The following KHDRBS2 variants were observed in gnomAD, a reference collection of about 807,000 sequenced individuals.
KHDRBS2 encodes KH RNA binding domain containing, signal transduction associated 2.
In KHDRBS2, 26 loss-of-function variants were observed where a neutral mutation model predicts 44.3. The ratio of observed to expected loss-of-function variants is 0.59; its 90% confidence interval spans 0.43 to 0.81. The LOEUF (loss-of-function observed/expected upper bound fraction) is 0.81, where lower values mean the gene tolerates loss of function less well. KHDRBS2 is among the 40% of genes least tolerant of loss of function. The pLI, the probability that KHDRBS2 is intolerant of heterozygous loss-of-function variation, is 0.00. For missense variants in KHDRBS2, 476 were observed against 433.1 expected (o/e 1.10, Z -0.88); for synonymous variants, 194 against 151.1 (o/e 1.28, Z -2.08).
intron 1 of KHDRBS2, among the ~76,000 whole-genome samples, chr6:62,250,640 C>T (rs1836362572): frequency 6.6e-6 from 1 of 151,860 alleles, no homozygotes; most frequent in East Asian, 1.9e-4. Flanking sequence ...AGTTGGAAAA[C>T]CAACATTTTT....
At chr6:62,179,833 C>A (rs990914251) in intron 1 of KHDRBS2, among the ~76,000 whole-genome samples, 1 of 151,710 alleles carries the variant, frequency 6.6e-6, no homozygotes, top group African/African-American at 2.4e-5. Context: ...TATTTCTGTT[C>A]AATTCTACAA....
intron 6 of KHDRBS2, among the ~76,000 whole-genome samples, chr6:61,797,214 GAAATTGAGTGAAGGGGAA>G (rs1000816728): frequency 6.6e-5 from 10 of 152,046 alleles, no homozygotes; most frequent in African/African-American, 2.4e-4. Context: ...CAGTAAAAAA[GAAATTGAGTGAAGGGGAA>G]ATGCTTGTTG....
At chr6:61,811,937 A>T (rs559970224) in intron 6 of KHDRBS2, among the ~76,000 whole-genome samples, 1 of 152,236 alleles carries the variant, frequency 6.6e-6, no homozygotes, top group East Asian at 1.9e-4. Context: ...AGTTTCTAGA[A>T]GAAAATGCCT....
intron 6 of KHDRBS2, among the ~76,000 whole-genome samples, chr6:61,827,857 C>T (rs1791147666): frequency 6.6e-6 from 1 of 152,090 alleles, no homozygotes. Flanking sequence ...TCATTTAAAC[C>T]CAGTTATCTT....
intron 1 of KHDRBS2, among the ~76,000 whole-genome samples, chr6:62,181,735 T>C (rs1403425350): frequency 6.6e-6 from 1 of 151,882 alleles, no homozygotes; most frequent in Non-Finnish European, 1.5e-5. Context: ...AAGATGACAG[T>C]ATTAAAAGGT....
intron 6 of KHDRBS2, among the ~76,000 whole-genome samples, chr6:61,857,824 T>C (rs1164449648): frequency 6.6e-6 from 1 of 151,964 alleles, no homozygotes; most frequent in African/African-American, 2.4e-5. Context: ...TAACCTCCTT[T>C]ATTAAAACAT....
intron 6 of KHDRBS2, among the ~76,000 whole-genome samples, chr6:61,840,103 C>G (rs185062048): frequency 6.6e-6 from 1 of 152,092 alleles, no homozygotes; most frequent in African/African-American, 2.4e-5. Flanking sequence ...GGAAAGGTCA[C>G]ATTCAAAGCA....
At chr6:61,904,504 G>A (rs939972975) in intron 4 of KHDRBS2, among the ~76,000 whole-genome samples, 2 of 152,154 alleles carry the variant, frequency 1.3e-5, no homozygotes, top group African/African-American at 4.8e-5. Flanking sequence ...ATACAGACCA[G>A]CAACTACAGA....
chr6:62,236,178 A>G (rs1286243358), intron 1 of KHDRBS2, among the ~76,000 whole-genome samples: 1 of 152,110 alleles, frequency 6.6e-6, no homozygotes, highest in Non-Finnish European at 1.5e-5. Flanking sequence ...CTTATTATTT[A>G]GCACTCTCTA....
the KHDRBS2 span, among the ~76,000 whole-genome samples, chr6:61,623,028 G>C: frequency 6.6e-6 from 1 of 152,048 alleles, no homozygotes; most frequent in South Asian, 2.1e-4. Context: ...ATGAGGACTT[G>C]ACTTGCAAGA....
chr6:62,081,052 C>A (rs190872751), intron 2 of KHDRBS2, among the ~76,000 whole-genome samples: 2 of 152,068 alleles, frequency 1.3e-5, no homozygotes, highest in African/African-American at 2.4e-5. Flanking sequence ...TATAGATATC[C>A]TCTTCATTAA....
At chr6:62,149,856 A>T in intron 2 of KHDRBS2, among the ~76,000 whole-genome samples, 1 of 152,206 alleles carries the variant, frequency 6.6e-6, no homozygotes, top group Non-Finnish European at 1.5e-5. Flanking sequence ...GGCCTAAATT[A>T]GACAAAGTTG....
At chr6:61,581,499 CTTG>C in the KHDRBS2 span, among the ~76,000 whole-genome samples, 14 of 149,202 alleles carry the variant, frequency 9.4e-5, no homozygotes, top group African/African-American at 2.9e-4. Context: ...AGACATAAAA[CTTG>C]TGAAATAATG....
chr6:62,266,001 C>T (rs1410281458), intron 1 of KHDRBS2, among the ~76,000 whole-genome samples: 2 of 151,998 alleles, frequency 1.3e-5, no homozygotes, highest in Non-Finnish European at 1.5e-5. Flanking sequence ...TTCATTCACA[C>T]AGAAACATTT....
intron 6 of KHDRBS2, among the ~76,000 whole-genome samples, chr6:61,811,185 C>T (rs1021804780): frequency 2.0e-5 from 3 of 152,060 alleles, no homozygotes; most frequent in African/African-American, 7.2e-5. Context: ...TTAGCTTTCA[C>T]TTATAAGTGA....
intron 2 of KHDRBS2, among the ~76,000 whole-genome samples, chr6:62,151,533 CA>C (rs566887663): frequency 1.3e-5 from 2 of 151,892 alleles, no homozygotes; most frequent in African/African-American, 4.8e-5. Context: ...AAAAGTTACC[CA>C]AAAAAACCCC....
the KHDRBS2 span, among the ~76,000 whole-genome samples, chr6:61,646,197 C>A: frequency 0.012 from 1,776 of 152,284 alleles, 41 homozygotes; most frequent in African/African-American, 0.041. Flanking sequence ...ATTAATACTT[C>A]CACATAATGG....
chr6:62,159,152 T>G (rs2150110670), intron 2 of KHDRBS2, among the ~76,000 whole-genome samples: 1 of 152,300 alleles, frequency 6.6e-6, no homozygotes, highest in Non-Finnish European at 1.5e-5. Flanking sequence ...TATGCTGCAC[T>G]TAGTAAAAAT....
intron 1 of KHDRBS2, among the ~76,000 whole-genome samples, chr6:62,182,401 T>C (rs569424007): frequency 2.6e-5 from 4 of 152,122 alleles, no homozygotes; most frequent in African/African-American, 9.6e-5. Flanking sequence ...ACATAGTGCC[T>C]ATAGTTAACA....
Sources: gnomAD v4.1 joint callset for allele counts (sites outside exome capture counted in the v4.1 genomes callset) on GRCh38, gnomAD v4.1.1 for gene constraint, MANE v1.5 for transcripts, NCBI Gene and HGNC (gene_info 2026-07-23, HGNC 2026-07-21) for gene names.